The following TGM5 variants were observed in gnomAD, a reference collection of about 807,000 sequenced individuals.
TGM5 encodes the protein protein-glutamine gamma-glutamyltransferase 5.
Under a neutral mutation model 77.2 loss-of-function variants are expected in TGM5, and 69 were observed. The observed-to-expected ratio is 0.89, with a 90% CI of 0.74 to 1.09. The LOEUF is 1.09. Ranked by LOEUF, TGM5 falls within the 50% of genes least tolerant of loss-of-function variation. TGM5 has a pLI of 0.00. For synonymous variants in TGM5, 346 were observed against 351.8 expected (o/e 0.98, Z 0.18); for missense variants, 842 against 896.5 (o/e 0.94, Z 0.78).
chr15:43,260,692 C>G lies in TGM5; in HGVS notation c.11-113G>C, dbSNP rs758329004. On this transcript the variant is annotated intron_variant, in intron 1 of 12. Transcript: ENST00000220420. ...AGTAACTTAGCTTGAGCCTCAGTTTCCATATCAGTAAAATAGAGTCCATAA... is the reference window on the plus strand; with the variant it reads ...AGTAACTTAGCTTGAGCCTCAGTTTGCATATCAGTAAAATAGAGTCCATAA... The G allele has an allele frequency of 3.5e-6, 4 of 1,145,072 alleles. No homozygotes were observed. In the South Asian group the frequency reaches 3.8e-5, roughly 11 times the overall value. 70.9% of individuals were successfully genotyped at this position (1,145,072 alleles called of 1,614,324 possible).
At chr15:43,265,955 A>G (rs2042821343) in intron 1 of TGM5, among the ~76,000 whole-genome samples, 1 of 151,938 alleles carries the variant, frequency 6.6e-6, no homozygotes, top group South Asian at 2.1e-4. Flanking sequence ...ATATGATGAT[A>G]CCATGGATAT....
At chr15:43,241,882 C>T (rs976995687) in intron 6 of TGM5, among the ~76,000 whole-genome samples, 3 of 152,018 alleles carry the variant, frequency 2.0e-5, no homozygotes, top group African/African-American at 7.3e-5. Context: ...TCAAGTGATC[C>T]GCCTGCCTTG....
intron 1 of TGM5, among the ~76,000 whole-genome samples, chr15:43,263,818 C>T (rs1442251032): frequency 4.6e-5 from 7 of 152,106 alleles, no homozygotes; most frequent in Non-Finnish European, 8.8e-5. Flanking sequence ...TGAATTGGAC[C>T]TCATCAAAAT....
intron 6 of TGM5, among the ~76,000 whole-genome samples, chr15:43,246,870 C>A (rs966419762): frequency 3.3e-5 from 5 of 152,158 alleles, no homozygotes; most frequent in African/African-American, 1.2e-4. Flanking sequence ...AGAGGCATGA[C>A]TTAGTAGTGG....
chr15:43,233,490 A>G, intron 12 of TGM5, 64 bp downstream of exon 12: 3 of 1,613,600 alleles, frequency 1.9e-6, no homozygotes. Flanking sequence ...ACCCATGTTC[A>G]GGAAGGATAG....
chr15:43,259,911 G>T, intron 3 of TGM5, 141 bp downstream of exon 3: 1 of 1,144,782 alleles, frequency 8.7e-7, no homozygotes, highest in Non-Finnish European at 1.3e-6. Context: ...CTGATTGGTG[G>T]TAGTTGGGGC....
At chr15:43,248,054 G>A (rs2042680140) in intron 6 of TGM5, among the ~76,000 whole-genome samples, 1 of 152,128 alleles carries the variant, frequency 6.6e-6, no homozygotes, top group Non-Finnish European at 1.5e-5. Context: ...ACCAATTATG[G>A]TAAGTGCCAT....
rs1312451423 is a variant in TGM5, at chr15:43,235,630, T to C, written c.1553A>G (p.Asn518Ser). 2 of 1,614,054 alleles carry C rather than the reference T, an allele frequency of 1.2e-6. No homozygotes were observed. The highest frequency in any genetic ancestry group is 1.7e-5 in the Admixed American group (1 of 60,000). ...GACAAAGCATATATCCTGGCCCATG[T>C]TGGGCGGGTCGAGCAGCTTGAATTT... ...SLKFKLLDPP[N>S]MGQDICFVLL... Residue 518 changes from asparagine to serine, a missense_variant, in exon 10 of 13, where the codon AAC (asparagine) becomes AGC (serine). Asn to Ser is a conservative substitution (Grantham distance 46, BLOSUM62 1). Transcript: ENST00000220420.
chr15:43,242,724 T>C (rs11070398), intron 6 of TGM5, among the ~76,000 whole-genome samples: 31,439 of 151,932 alleles, frequency 0.21, 5,032 homozygotes, highest in African/African-American at 0.45. Flanking sequence ...CGTGGCAGGT[T>C]TGAACAGGGC....
In TGM5 at chr15:43,235,651, A is replaced by G; in HGVS notation, c.1532T>C (p.Phe511Ser). The G allele has an allele frequency of 6.2e-7, 1 of 1,614,144 alleles. No homozygotes were observed. Among genetic ancestry groups the G allele is most frequent in the Non-Finnish European group, 8.5e-7 (1 of 1,180,028 alleles). ...PSDVVQVSLK[F>S]KLLDPPNMGQ... is the part of the protein sequence containing the mutation. ...CATGTTGGGCGGGTCGAGCAGCTTG[A>G]ATTTCAGGGAGACTTGCACCACATC... Residue 511 changes from phenylalanine (F) to serine (S), a missense_variant, in exon 10 of 13, where the codon TTC (phenylalanine) becomes TCC (serine). Physicochemically the swap from Phe to Ser is radical, Grantham distance 155 (BLOSUM62 -2). This residue lies in a region of TGM5 where 815 missense variants were observed against 844.6 expected (regional missense o/e 0.96). Coordinates refer to ENST00000220420, the MANE Select transcript of TGM5 (RefSeq NM_201631.4).
At chr15:43,250,356 TC>T (rs2042695762) in intron 6 of TGM5, among the ~76,000 whole-genome samples, 1 of 152,170 alleles carries the variant, frequency 6.6e-6, no homozygotes, top group African/African-American at 2.4e-5. Context: ...ACCACTACTT[TC>T]CCCATTGTAC....
intron 4 of TGM5, among the ~76,000 whole-genome samples, chr15:43,255,298 C>T (rs562588735): frequency 6.6e-6 from 1 of 152,232 alleles, no homozygotes; most frequent in East Asian, 1.9e-4. Flanking sequence ...CTCACCACTG[C>T]CTTCCAGCCT....
rs1037162125 is a variant in TGM5, at chr15:43,233,046, A to G, written c.*145T>C. The G allele has an allele frequency of 2.9e-6, 3 of 1,020,900 alleles. No individual in the cohort carries two copies. The highest frequency in any genetic ancestry group is 4.3e-6 in the Non-Finnish European group (3 of 699,394). The allele number at this position is 1,020,900 out of a possible 1,614,324, so 63.2% of individuals were successfully genotyped here. A position where few individuals can be genotyped will look rare whatever the true frequency, so the allele number is the denominator to read the frequency against. ...AATTTCTAGTGGAGTCAGGAGAGAC[A>G]GAAAATGAACACGTCATCCCCTCTG... On this transcript the variant is annotated 3_prime_UTR_variant, in exon 13 of 13. Coordinates refer to ENST00000220420, the MANE Select transcript of TGM5 (RefSeq NM_201631.4).
intron 3 of TGM5, among the ~76,000 whole-genome samples, chr15:43,258,902 G>A (rs1397925666): frequency 6.6e-6 from 1 of 152,126 alleles, no homozygotes; most frequent in African/African-American, 2.4e-5. Flanking sequence ...GAAAACAGTC[G>A]ACTGGCCCTC....
At chr15:43,237,443 T>C (rs2042598600) in intron 9 of TGM5, among the ~76,000 whole-genome samples, 1 of 152,216 alleles carries the variant, frequency 6.6e-6, no homozygotes, top group African/African-American at 2.4e-5. Flanking sequence ...GCAGTATTGT[T>C]CTACACTTCA....
intron 6 of TGM5, among the ~76,000 whole-genome samples, chr15:43,249,039 G>A (rs945257457): frequency 3.3e-5 from 5 of 152,012 alleles, no homozygotes; most frequent in East Asian, 1.9e-4. Context: ...GCCTCCCATC[G>A]CCCACACCCT....
chr15:43,246,133 T>G (rs2042668858), intron 6 of TGM5, among the ~76,000 whole-genome samples: 1 of 152,158 alleles, frequency 6.6e-6, no homozygotes, highest in Non-Finnish European at 1.5e-5. Flanking sequence ...AACAGAGGCA[T>G]AAGACCAACA....
Position 43,253,507 on chromosome 15 carries a change from A to G in TGM5, c.683T>C (p.Met228Thr). Residue 228 changes from methionine to threonine, a missense_variant and splice_region_variant, in exon 5 of 13, where the codon ATG (methionine) becomes ACG (threonine). Coordinates refer to ENST00000220420, the MANE Select transcript of TGM5 (RefSeq NM_201631.4). The stretch of plus-strand genomic sequence containing the variant: ...CCCCGGGCACGCCAGGGACCTCACC[A>G]TGGCACACACCACTCTGCTGACGTA... Reference protein sequence around the residue: ...PVYVSRVVCAMINSNDDNGVL... With the variant: ...PVYVSRVVCATINSNDDNGVL... The G allele has an allele frequency of 6.2e-7, 1 of 1,611,730 alleles. No homozygotes were observed. Among genetic ancestry groups the G allele is most frequent in the Non-Finnish European group, 8.5e-7 (1 of 1,179,978 alleles).
intron 6 of TGM5, among the ~76,000 whole-genome samples, chr15:43,248,566 A>G (rs1009346343): frequency 6.6e-6 from 1 of 152,234 alleles, no homozygotes; most frequent in African/African-American, 2.4e-5. Flanking sequence ...TAACATTTAG[A>G]TAAAACTTAT....
Sources: allele counts gnomAD v4.1 joint callset (sites outside exome capture counted in the v4.1 genomes callset), GRCh38; gene constraint gnomAD v4.1.1; regional missense constraint gnomAD v4.1.1; transcripts MANE v1.5; gene names NCBI Gene and HGNC (gene_info 2026-07-23, HGNC 2026-07-21).